The following DIDO1 variants were observed in gnomAD, a reference collection of about 807,000 sequenced individuals.
DIDO1 encodes the protein death inducer-obliterator 1.
DIDO1 carries 16 observed loss-of-function variants against 99.4 expected under a neutral mutation model. The ratio of observed to expected loss-of-function variants is 0.16; its 90% CI spans 0.11 to 0.24. The LOEUF is 0.24. DIDO1 is among the 10% of genes least tolerant of loss of function. The pLI, the probability that DIDO1 is intolerant of heterozygous loss-of-function variation, is 1.00. For synonymous variants in DIDO1, 1,366 were observed against 1,239.1 expected, an observed-to-expected ratio of 1.10 and a Z score of -2.15; for missense variants, 2,996 against 3,014.0, an observed-to-expected ratio of 0.99 and a Z score of 0.14.
rs895933903 is a variant in DIDO1 at position 62,879,403 on chromosome 20, G to C, written c.6553C>G (p.Arg2185Gly). 6.5e-7 allele frequency: 1 copy of C among 1,543,476 alleles called. No individual in the cohort carries two copies. Among genetic ancestry groups the C allele is most frequent in the East Asian group, 2.4e-5 (1 of 40,914 alleles). ...CGGGACCGGTCCCGGTCGCGCCTCC[G>C]GTCTCGCTCGCGCTCTCGGTTCCTG... is the stretch of plus-strand genomic sequence containing the variant. The part of the protein sequence containing the change: ...RSRNRERERD[R>G]RRDRDRSRSR... Residue 2185 changes from arginine to glycine, a missense_variant, in exon 16 of 16, where the codon CGG (arginine) becomes GGG (glycine). This residue lies in a region of DIDO1 where 1,562 missense variants were observed against 1,412.6 expected (regional missense o/e 1.11). Coordinates refer to ENST00000395343, the MANE Select transcript of DIDO1 (RefSeq NM_001193369.2). This position sits in a 1 kb window ranked among gnomAD's most constrained non-coding sequence, Gnocchi z 6.3.
chr20:62,905,683 A>T, intron 6 of DIDO1: 2 of 1,604,032 alleles, frequency 1.2e-6, no homozygotes, highest in Admixed American at 1.7e-5. Context: ...GAAAACAGTG[A>T]CAGGAAGTCC....
intron 1 of DIDO1, among the ~76,000 whole-genome samples, chr20:62,924,228 G>A (rs74338469): frequency 0.015 from 2,214 of 152,224 alleles, 58 homozygotes; most frequent in African/African-American, 0.049. Flanking sequence ...AGAAATGTAA[G>A]TGAGAGACTC....
At position 62,880,830 on chromosome 20, in the gene DIDO1, G is replaced by A; in HGVS notation, c.5126C>T (p.Ala1709Val). ...ACCTGCAGGGCTGCTGCTCCTTCCA[G>A]CAGAATGAAGATTTCTTGGGTCCTC... The part of the protein sequence containing the change: ...QYEDPRNLHS[A>V]GRSSSPAGET... Residue 1709 changes from alanine to valine, a missense_variant, in exon 16 of 16, where the codon GCT becomes GTT. By Grantham distance (64) the Ala-to-Val change is moderately conservative. Transcript: ENST00000395343. The A allele has an allele frequency of 1.2e-6, 2 of 1,612,852 alleles. No homozygotes were observed. Among genetic ancestry groups the A allele is most frequent in the Non-Finnish European group, 8.5e-7 (1 of 1,179,996 alleles).
At position 62,898,967 on chromosome 20, in the gene DIDO1, G is replaced by C. The variant is rs546995871; in HGVS notation, c.1589-1971C>G. On this transcript the variant is annotated intron_variant, in intron 6 of 15. Coordinates refer to ENST00000395343, the MANE Select transcript of DIDO1 (RefSeq NM_001193369.2). ...AGGTCTGCAGCATCTTGCCTGCAGG[G>C]TTGCAATAGGTCAGTCAGGTTAAAT... Among the ~76,000 whole-genome samples the C allele has an allele frequency of 1.7e-3, 263 of 152,256 alleles. 1 individual carries two copies. Among genetic ancestry groups the C allele is most frequent in the African/African-American group, 6.0e-3 (251 of 41,540 alleles).
chr20:62,906,214 C>T (rs1469663522), intron 5 of DIDO1, 114 bp from the exon 6 acceptor site: 51 of 1,358,460 alleles, frequency 3.8e-5, no homozygotes, highest in Non-Finnish European at 5.0e-5. Flanking sequence ...CATCTGAAGA[C>T]CCTGCACCCA....
intron 6 of DIDO1, chr20:62,905,647 G>C: frequency 6.4e-7 from 1 of 1,570,862 alleles, no homozygotes; most frequent in Non-Finnish European, 8.6e-7. Flanking sequence ...TAAGGTGAAC[G>C]TTCACCAGTG....
intron 2 of DIDO1, among the ~76,000 whole-genome samples, chr20:62,913,350 G>C (rs931872845): frequency 2.0e-5 from 3 of 152,018 alleles, no homozygotes; most frequent in African/African-American, 4.8e-5. Context: ...TGTGTGAGGG[G>C]GGCACTAGAG....
intron 13 of DIDO1, among the ~76,000 whole-genome samples, 173 bp downstream of exon 13, chr20:62,892,636 C>T (rs759673783): frequency 3.3e-5 from 5 of 152,208 alleles, no homozygotes; most frequent in Non-Finnish European, 7.3e-5. Flanking sequence ...TCACGGCCAT[C>T]GCCACTTTGC....
chr20:62,879,325 G>T lies in DIDO1; in HGVS notation c.6631C>A (p.Arg2211Ser). 6.4e-7 allele frequency: 1 copy of T among 1,564,546 alleles called. No individual in the cohort carries two copies. The highest frequency in any genetic ancestry group is 8.6e-7 in the Non-Finnish European group (1 of 1,156,994). The change falls in exon 16 of 16, where the codon CGC (arginine) becomes AGC (serine). Residue 2211 changes from arginine (R) to serine (S), a missense_variant. This residue lies in a region of DIDO1 where 1,562 missense variants were observed against 1,412.6 expected (regional missense o/e 1.11). Transcript: ENST00000395343. The surrounding 1 kb of genome is among the most constrained non-coding windows in gnomAD (Gnocchi z 6.3). ...KARDRERGRD[R>S]KDRSKSKESA... is the part of the protein sequence containing the mutation. ...TCTTTGCTCTTGCTCCGGTCCTTGC[G>T]GTCGCGGCCCCGCTCCCTGTCCCTG...
At chr20:62,908,954 A>AT (rs1165793374) in intron 4 of DIDO1, among the ~76,000 whole-genome samples, 2 of 152,256 alleles carry the variant, frequency 1.3e-5, no homozygotes, top group Non-Finnish European at 2.9e-5. Context: ...GAATGCCCAG[A>AT]TGTGGCCTCT....
chr20:62,890,003 G>A, intron 15 of DIDO1: 1 of 985,548 alleles, frequency 1.0e-6, no homozygotes, highest in Non-Finnish European at 1.2e-6. Flanking sequence ...ATGTGGAGTG[G>A]CCCCTACAGG....
chr20:62,921,732 T>C (rs886972012), intron 1 of DIDO1, among the ~76,000 whole-genome samples: 6 of 150,670 alleles, frequency 4.0e-5, no homozygotes, highest in Non-Finnish European at 8.8e-5. Flanking sequence ...CTCCCTGGGC[T>C]CAGGTTATCC....
intron 6 of DIDO1, among the ~76,000 whole-genome samples, chr20:62,898,655 A>AC (rs1568851592): frequency 1.3e-5 from 2 of 151,734 alleles, no homozygotes; most frequent in Non-Finnish European, 2.9e-5. Flanking sequence ...CAGCCACAGG[A>AC]CCCCCTCCTT....
chr20:62,881,273 CCG>C lies in DIDO1; in HGVS notation c.4681_4682del (p.Arg1561AlafsTer8). 6.2e-7 allele frequency: 1 copy of C among 1,604,354 alleles called. No homozygotes were observed. Among genetic ancestry groups the C allele is most frequent in the Non-Finnish European group, 8.5e-7 (1 of 1,179,200 alleles). On this transcript the variant is annotated frameshift_variant, in exon 16 of 16. Coordinates refer to ENST00000395343, the MANE Select transcript of DIDO1 (RefSeq NM_001193369.2). LOFTEE classifies it low-confidence loss of function (END_TRUNC). The surrounding 1 kb of genome is among the most constrained non-coding windows in gnomAD (Gnocchi z 8.3). ...TCTCAGTGGCCAGGCGCCTCGCCTGCCGGGGGTCCCTGTGGTTTGACGCCTGG... is the reference window on the plus strand; with the variant it reads ...TCTCAGTGGCCAGGCGCCTCGCCTGCGGGGTCCCTGTGGTTTGACGCCTGG... The part of the protein sequence containing the change: ...ASQASNHRDP[R>X]QARRLATETG...
chr20:62,937,652 T>C, intron 1 of DIDO1: 1 of 394,516 alleles, frequency 2.5e-6, no homozygotes, highest in Non-Finnish European at 4.5e-6. Flanking sequence ...CGTCTCTCCC[T>C]GGACCTCAGG....
At chr20:62,923,107 T>TCCTCTGG (rs573807581) in intron 1 of DIDO1, among the ~76,000 whole-genome samples, 2 of 152,018 alleles carry the variant, frequency 1.3e-5, no homozygotes, top group South Asian at 4.1e-4. Flanking sequence ...CTTCAAGGGG[T>TCCTCTGG]CCTCTGGCCT....
chr20:62,880,964 A>G lies in DIDO1; in HGVS notation c.4992T>C (p.Pro1664=), dbSNP rs748565594. The change falls in exon 16 of 16, where the codon CCT becomes CCC. Residue 1664 remains proline, a synonymous_variant. Transcript: ENST00000395343. ...PARRVLLPTP[P]CGALQPGFPL... ...GGAAGCCGGGCTGCAGGGCGCCGCA[A>G]GGCGGTGTGGGCAGCAGCACCCTCC... is the stretch of plus-strand genomic sequence containing the variant. 6.2e-7 allele frequency: 1 copy of G among 1,606,648 alleles called. No individual in the cohort carries two copies. Among genetic ancestry groups the G allele is most frequent in the African/African-American group, 1.3e-5 (1 of 74,836 alleles).
chr20:62,906,209 G>A (rs2064800907), intron 5 of DIDO1, 109 bp from the exon 6 acceptor site: 2 of 1,408,478 alleles, frequency 1.4e-6, no homozygotes, highest in Admixed American at 2.2e-5. Flanking sequence ...GAGGCCATCT[G>A]AAGACCCTGC....
At chr20:62,899,179 T>A (rs952511103) in intron 6 of DIDO1, among the ~76,000 whole-genome samples, 1 of 152,184 alleles carries the variant, frequency 6.6e-6, no homozygotes, top group African/African-American at 2.4e-5. Flanking sequence ...AAGCCAACCG[T>A]GATTCAAACT....
Sources: gnomAD v4.1 joint callset for allele counts (sites outside exome capture counted in the v4.1 genomes callset) on GRCh38, gnomAD v4.1.1 for gene constraint, gnomAD v4.1.1 regional missense constraint, Gnocchi (gnomAD v3.1) non-coding constraint, MANE v1.5 for transcripts, NCBI Gene and HGNC (gene_info 2026-07-23, HGNC 2026-07-21) for gene names.